CPQ: variants seen among roughly 807,000 people sequenced by gnomAD.
The protein encoded by CPQ is Ser-Met dipeptidase.
In CPQ, 37 loss-of-function variants were observed where a neutral mutation model predicts 45.7. The observed-to-expected ratio is 0.81, with a 90% CI of 0.62 to 1.07. The LOEUF is 1.07. Ranked by LOEUF, CPQ falls within the 50% of genes least tolerant of loss-of-function variation. CPQ has a pLI of 0.00. For synonymous variants in CPQ, 186 were observed against 205.8 expected, an observed-to-expected ratio of 0.90 and a Z score of 0.82; for missense variants, 537 against 572.9, an observed-to-expected ratio of 0.94 and a Z score of 0.64.
intron 1 of CPQ, among the ~76,000 whole-genome samples, chr8:96,673,056 A>G (rs1169293809): frequency 6.6e-6 from 1 of 152,172 alleles, no homozygotes; most frequent in Non-Finnish European, 1.5e-5. Flanking sequence ...ATTGCCCTTC[A>G]GCAAAGAGGC....
At chr8:96,788,404 C>A (rs1353689034) in intron 2 of CPQ, among the ~76,000 whole-genome samples, 1 of 152,174 alleles carries the variant, frequency 6.6e-6, no homozygotes, top group African/African-American at 2.4e-5. Context: ...AGGTGATCCA[C>A]CTGCCTAGGC....
At position 96,887,837 on chromosome 8, in the gene CPQ, A is replaced by AT. The variant is rs542949641; in HGVS notation, c.849+7842dup. Among the ~76,000 whole-genome samples, 13 of 150,724 alleles carry AT rather than the reference A, an allele frequency of 8.6e-5. No homozygotes were observed. The South Asian group carries it at 1.1e-3, about 12-fold the overall frequency. ...TTTTGATAAGGCCTTGATGCAGTGA[A>AT]TTTTTTTTTTAACATGCCTTTTTCT... On this transcript the variant is annotated intron_variant, in intron 4 of 7. Transcript: ENST00000220763.
At chr8:97,102,622 C>G (rs576190382) in intron 7 of CPQ, among the ~76,000 whole-genome samples, 2 of 152,068 alleles carry the variant, frequency 1.3e-5, no homozygotes, top group Non-Finnish European at 2.9e-5. Context: ...CTTAACCTAT[C>G]TACATGTCAG....
chr8:96,717,024 AATAT>A (rs58338307), intron 1 of CPQ, among the ~76,000 whole-genome samples: 874 of 56,238 alleles, frequency 0.016, 5 homozygotes, highest in African/African-American at 0.017. Context: ...CCATGATATA[AATAT>A]ATATATATAT....
At chr8:96,936,728 CA>C (rs1430736059) in intron 4 of CPQ, among the ~76,000 whole-genome samples, 1 of 152,134 alleles carries the variant, frequency 6.6e-6, no homozygotes, top group Non-Finnish European at 1.5e-5. Context: ...AAGTTTTCCA[CA>C]TATATGAATG....
chr8:96,962,906 G>T lies in CPQ; in HGVS notation c.850-3029G>T, dbSNP rs868823416. Among the ~76,000 whole-genome samples the T allele has an allele frequency of 8.0e-5, 12 of 150,826 alleles. 1 individual carries two copies. Among genetic ancestry groups the T allele is most frequent in the Middle Eastern group, 3.4e-3 (1 of 292 alleles). ...CATTGTTGCCCCAGTTTTTTTTTCT[G>T]ATTTAAAAAAATATACTAAAACAAG... On this transcript the variant is annotated intron_variant, in intron 4 of 7. Coordinates refer to ENST00000220763, the MANE Select transcript of CPQ (RefSeq NM_016134.4).
chr8:96,653,429 A>G (rs904123657), intron 1 of CPQ, among the ~76,000 whole-genome samples: 12 of 151,860 alleles, frequency 7.9e-5, no homozygotes, highest in African/African-American at 4.8e-5. Flanking sequence ...TTTTCTTGCT[A>G]TTGAGTTGTT....
At chr8:96,794,603 G>A (rs1256648946) in intron 2 of CPQ, among the ~76,000 whole-genome samples, 1 of 152,152 alleles carries the variant, frequency 6.6e-6, no homozygotes, top group Non-Finnish European at 1.5e-5. Flanking sequence ...AGCCAGCTTG[G>A]ATTTCTCCTC....
At chr8:97,076,298 A>C (rs1194539377) in intron 7 of CPQ, among the ~76,000 whole-genome samples, 1 of 152,196 alleles carries the variant, frequency 6.6e-6, no homozygotes, top group Non-Finnish European at 1.5e-5. Context: ...TGCTGGGATT[A>C]CAGTCATGAG....
chr8:96,668,106 G>A (rs1478968858), intron 1 of CPQ, among the ~76,000 whole-genome samples: 1 of 152,206 alleles, frequency 6.6e-6, no homozygotes, highest in African/African-American at 2.4e-5. Flanking sequence ...TCCTCATGGG[G>A]AGAAATAAGT....
At chr8:97,082,742 T>C (rs1810971852) in intron 7 of CPQ, among the ~76,000 whole-genome samples, 1 of 152,060 alleles carries the variant, frequency 6.6e-6, no homozygotes, top group Non-Finnish European at 1.5e-5. Context: ...CATACCAAGC[T>C]CCCAGCAATC....
At chr8:96,692,056 T>G (rs111240895) in intron 1 of CPQ, among the ~76,000 whole-genome samples, 3,695 of 152,298 alleles carry the variant, frequency 0.024, 167 homozygotes, top group African/African-American at 0.084. Flanking sequence ...CAGTAAGGTC[T>G]CTCTGGTTGG....
chr8:97,004,380 TA>T (rs1563551717), intron 5 of CPQ, among the ~76,000 whole-genome samples: 1 of 151,738 alleles, frequency 6.6e-6, no homozygotes, highest in Admixed American at 6.6e-5. Flanking sequence ...TTAGTGATTT[TA>T]AAAAAACAAA....
At chr8:96,932,533 C>G (rs1015132197) in intron 4 of CPQ, among the ~76,000 whole-genome samples, 1 of 152,150 alleles carries the variant, frequency 6.6e-6, no homozygotes, top group Non-Finnish European at 1.5e-5. Flanking sequence ...TATAGTTGCT[C>G]TAAATGCCAC....
intron 1 of CPQ, among the ~76,000 whole-genome samples, chr8:96,679,343 A>T (rs1050640841): frequency 5.3e-5 from 8 of 152,024 alleles, no homozygotes; most frequent in African/African-American, 9.7e-5. Flanking sequence ...GAATTTTTGC[A>T]TCTGTGTTCA....
chr8:96,824,412 AT>A (rs1811351591), intron 2 of CPQ, among the ~76,000 whole-genome samples: 2 of 152,044 alleles, frequency 1.3e-5, no homozygotes, highest in African/African-American at 4.8e-5. Context: ...TTCTGATATC[AT>A]TATTTTCACT....
intron 4 of CPQ, among the ~76,000 whole-genome samples, chr8:96,881,186 A>G (rs191411761): frequency 3.9e-5 from 6 of 152,352 alleles, no homozygotes; most frequent in Admixed American, 3.9e-4. Context: ...ACATTGCTAT[A>G]AAGAAATACC....
intron 4 of CPQ, 147 bp from the exon 5 acceptor site, chr8:96,965,788 C>G (rs1813546441): frequency 7.8e-6 from 4 of 512,612 alleles, no homozygotes; most frequent in Non-Finnish European, 1.0e-5. Context: ...AAGTTTTCCA[C>G]TAATAATGAC....
intron 7 of CPQ, among the ~76,000 whole-genome samples, chr8:97,067,861 G>C (rs899721395): frequency 6.6e-6 from 1 of 152,120 alleles, no homozygotes; most frequent in African/African-American, 2.4e-5. Context: ...GTAGGGGAGA[G>C]AGTCTGCCCT....
Sources: allele counts gnomAD v4.1 joint callset (sites outside exome capture counted in the v4.1 genomes callset), GRCh38; gene constraint gnomAD v4.1.1; transcripts MANE v1.5; gene names NCBI Gene and HGNC (gene_info 2026-07-23, HGNC 2026-07-21).